SOBP: variants seen among roughly 807,000 people sequenced by gnomAD.
The protein encoded by SOBP is sine oculis binding protein homolog.
A neutral mutation model predicts 53.6 loss-of-function variants in SOBP; 4 were observed. The observed-to-expected ratio is 0.07, with a 90% CI of 0.04 to 0.17. The LOEUF (loss-of-function observed/expected upper bound fraction) is 0.17, where lower values mean the gene tolerates loss of function less well. SOBP is among the 10% of genes least tolerant of loss of function. The probability of loss-of-function intolerance (pLI) is 1.00; values close to 1 mark genes in which losing one functional copy is unlikely to be tolerated. For missense variants in SOBP, 1,088 were observed against 1,204.7 expected (o/e 0.90, Z 1.43); for synonymous variants, 584 against 522.6 (o/e 1.12, Z -1.60).
intron 6 of SOBP, among the ~76,000 whole-genome samples, chr6:107,650,535 T>C (rs559947933): frequency 6.6e-6 from 1 of 152,234 alleles, no homozygotes; most frequent in Non-Finnish European, 1.5e-5. Context: ...ACATTTTCAT[T>C]ATCATATCTG....
chr6:107,586,930 A>G, intron 4 of SOBP, 150 bp from the exon 5 acceptor site: 1 of 702,048 alleles, frequency 1.4e-6, no homozygotes, highest in South Asian at 1.6e-5. Context: ...TTTGATACCT[A>G]AAAGGCGTAC....
chr6:107,490,321 C>T lies in SOBP; in HGVS notation c.-296C>T. 1 of 154,336 alleles carries T rather than the reference C, an allele frequency of 6.5e-6. No homozygotes were observed. The highest frequency in any genetic ancestry group is 1.4e-5 in the Non-Finnish European group (1 of 71,720). The allele number at this position is 154,336 out of a possible 1,614,324, so 9.6% of individuals were successfully genotyped here. A position where few individuals can be genotyped will look rare whatever the true frequency, so the allele number is the denominator to read the frequency against. On this transcript the variant is annotated 5_prime_UTR_variant, in exon 1 of 7. Transcript: ENST00000317357. ...GCAGGGGCAGCGGCAGCAGCGGCGG[C>T]GTTGGCTGCGGCGGCGGCGGCGGCG...
intron 3 of SOBP, among the ~76,000 whole-genome samples, chr6:107,513,801 G>A (rs1783239402): frequency 6.6e-6 from 1 of 151,908 alleles, no homozygotes; most frequent in Admixed American, 6.6e-5. Context: ...AAGGACAGGA[G>A]GAATTAACGA....
chr6:107,655,071 C>T (rs755145851), intron 6 of SOBP, among the ~76,000 whole-genome samples: 21 of 151,696 alleles, frequency 1.4e-4, no homozygotes, highest in African/African-American at 3.9e-4. Context: ...GTCTCTGTTT[C>T]GCTTATTGTA....
At chr6:107,649,463 C>T (rs973941526) in intron 6 of SOBP, among the ~76,000 whole-genome samples, 1 of 151,540 alleles carries the variant, frequency 6.6e-6, no homozygotes, top group Non-Finnish European at 1.5e-5. Flanking sequence ...GGTGACAGAG[C>T]AAGACCCTGT....
At chr6:107,563,899 C>T (rs934678147) in intron 4 of SOBP, among the ~76,000 whole-genome samples, 9 of 152,246 alleles carry the variant, frequency 5.9e-5, no homozygotes, top group Non-Finnish European at 8.8e-5. Flanking sequence ...GCCAGCTGGC[C>T]GTGGCAGCCC....
At position 107,660,919 on chromosome 6, in the gene SOBP, G is replaced by A. The variant is rs534344840; in HGVS notation, c.*2716G>A. Among the ~76,000 whole-genome samples, 37 of 152,322 alleles carry A rather than the reference G, an allele frequency of 2.4e-4. No individual in the cohort carries two copies. Among genetic ancestry groups the A allele is most frequent in the African/African-American group, 6.7e-4 (28 of 41,570 alleles). On this transcript the variant is annotated 3_prime_UTR_variant, in exon 7 of 7. Transcript: ENST00000317357. ...GATTTTCTTCTCCCATGGAGCCCGA[G>A]AGAATCTTGGAGGCTTCCTGGTGCA... is the stretch of plus-strand genomic sequence containing the variant.
In SOBP at chr6:107,611,561, T is replaced by C. The variant is rs186819094; in HGVS notation, c.670-21953T>C. 7.3e-4 allele frequency among the ~76,000 whole-genome samples: 111 copies of C among 152,292 alleles called. 1 individual carries two copies. The highest frequency in any genetic ancestry group is 1.2e-3 in the South Asian group (6 of 4,816). ...TGCTGAGTAGAAGCTATCACTTTCC[T>C]CCTCAGCCCAGTAGGAGGACCGGCT... On this transcript the variant is annotated intron_variant, in intron 5 of 6. Transcript: ENST00000317357.
chr6:107,516,355 G>A (rs144257272), intron 3 of SOBP, among the ~76,000 whole-genome samples: 256 of 151,986 alleles, frequency 1.7e-3, no homozygotes, highest in African/African-American at 5.8e-3. Context: ...CCAACTACTC[G>A]GGAGGTTGAG....
intron 6 of SOBP, among the ~76,000 whole-genome samples, chr6:107,637,337 G>C (rs1771091612): frequency 6.6e-6 from 1 of 152,228 alleles, no homozygotes; most frequent in Admixed American, 6.5e-5. Flanking sequence ...AAGGAGACTT[G>C]TCAGTTGAGG....
At chr6:107,581,153 A>G (rs1274434618) in intron 4 of SOBP, among the ~76,000 whole-genome samples, 8 of 152,342 alleles carry the variant, frequency 5.3e-5, no homozygotes, top group East Asian at 3.9e-4. Flanking sequence ...AGACACACAC[A>G]TGGTCATAAT....
At position 107,661,137 on chromosome 6, in the gene SOBP, G is replaced by C. The variant is rs1426890345; in HGVS notation, c.*2934G>C. On this transcript the variant is annotated 3_prime_UTR_variant, in exon 7 of 7. Coordinates refer to ENST00000317357, the MANE Select transcript of SOBP (RefSeq NM_018013.4). ...TCCAAGATTGTCAAGCAAACATTTT[G>C]ACCCTTCTGGAAACAAAAGGTACCT... 6.6e-6 allele frequency among the ~76,000 whole-genome samples: 1 copy of C among 152,168 alleles called. No homozygotes were observed. Among genetic ancestry groups the C allele is most frequent in the Non-Finnish European group, 1.5e-5 (1 of 68,014 alleles).
intron 3 of SOBP, among the ~76,000 whole-genome samples, chr6:107,529,150 T>C (rs562827391): frequency 1.2e-3 from 182 of 152,374 alleles, no homozygotes; most frequent in Non-Finnish European, 1.2e-3. Flanking sequence ...TGGTGGACTC[T>C]GTAGAAACTT....
intron 4 of SOBP, among the ~76,000 whole-genome samples, chr6:107,550,883 T>C (rs1784441412): frequency 6.6e-6 from 1 of 152,196 alleles, no homozygotes; most frequent in Non-Finnish European, 1.5e-5. Context: ...CAATACTACA[T>C]AACTTAAAAA....
chr6:107,634,968 G>C lies in SOBP; in HGVS notation c.2124G>C (p.Pro708=). The change falls in exon 6 of 7, where the codon CCG becomes CCC. Residue 708 remains proline, a synonymous_variant. Transcript: ENST00000317357. The surrounding 1 kb of genome is among the most constrained non-coding windows in gnomAD (Gnocchi z 4.5). ...CSPPAAGDPG[P]GAPAGPEAAA... Reference sequence around the variant, plus strand: ...CGCCCGCCGCCGGCGACCCAGGCCCGGGCGCCCCGGCGGGCCCCGAGGCGG... The same window carrying C: ...CGCCCGCCGCCGGCGACCCAGGCCCCGGCGCCCCGGCGGGCCCCGAGGCGG... The C allele has an allele frequency of 3.9e-6, 4 of 1,017,536 alleles. No individual in the cohort carries two copies. The highest frequency in any genetic ancestry group is 3.5e-5 in the African/African-American group (2 of 57,300). 63.0% of individuals were successfully genotyped at this position (1,017,536 alleles called of 1,614,324 possible). A position where few individuals can be genotyped will look rare whatever the true frequency, so the allele number is the denominator to read the frequency against.
intron 4 of SOBP, among the ~76,000 whole-genome samples, chr6:107,545,921 C>T (rs1056248275): frequency 7.9e-5 from 12 of 152,068 alleles, no homozygotes; most frequent in Admixed American, 7.9e-4. Context: ...GCTATTTAAG[C>T]AAACTGTTTT....
chr6:107,650,721 C>A (rs561043991), intron 6 of SOBP, among the ~76,000 whole-genome samples: 1 of 152,256 alleles, frequency 6.6e-6, no homozygotes, highest in Admixed American at 6.5e-5. Flanking sequence ...TCCCTATTTC[C>A]TGAGATACAA....
At chr6:107,508,154 T>C (rs1032221929) in intron 3 of SOBP, among the ~76,000 whole-genome samples, 1 of 152,234 alleles carries the variant, frequency 6.6e-6, no homozygotes, top group South Asian at 2.1e-4. Context: ...TATGCTTCCA[T>C]AAACAGTGAA....
In SOBP at chr6:107,537,835, A is replaced by G. The variant is rs577329229; in HGVS notation, c.573+4225A>G. On this transcript the variant is annotated intron_variant, in intron 4 of 6. Coordinates refer to ENST00000317357, the MANE Select transcript of SOBP (RefSeq NM_018013.4). ...ACCCTATCTCAAAAAAAAAAAAAAA[A>G]AAGATCGAAATACTTCTTCAATATC... Among the ~76,000 whole-genome samples, 23 of 152,058 alleles carry G rather than the reference A, an allele frequency of 1.5e-4. No individual in the cohort carries two copies. In the South Asian group the frequency reaches 2.9e-3, roughly 19 times the overall value.
Sources: allele counts gnomAD v4.1 joint callset (sites outside exome capture counted in the v4.1 genomes callset), GRCh38; gene constraint gnomAD v4.1.1; non-coding constraint Gnocchi (gnomAD v3.1); transcripts MANE v1.5; gene names NCBI Gene and HGNC (gene_info 2026-07-23, HGNC 2026-07-21).